The following TCP10L variants were observed in gnomAD, a reference collection of about 807,000 sequenced individuals.
TCP10L encodes the protein T-complex protein 10A homolog 1.
TCP10L carries 11 observed loss-of-function variants against 19.2 expected under a neutral mutation model. That is an observed-to-expected ratio of 0.57 (90% CI 0.36 to 0.95). The LOEUF is 0.95. Among genes scored for constraint, TCP10L ranks in the 40% least tolerant of loss-of-function variants. TCP10L has a pLI of 0.01. For synonymous variants in TCP10L, 96 were observed against 97.2 expected (o/e 0.99, Z 0.07); for missense variants, 247 against 263.9 (o/e 0.94, Z 0.44).
At chr21:32,577,200 T>C (rs1402186627) in intron 4 of TCP10L, among the ~76,000 whole-genome samples, 1 of 152,220 alleles carries the variant, frequency 6.6e-6, no homozygotes, top group Admixed American at 6.5e-5. Context: ...ATAAAAATAA[T>C]TTTCTACATT....
At position 32,578,461 on chromosome 21, in the gene TCP10L, T is replaced by C. The variant is rs2146524639; in HGVS notation, c.498+233A>G. On this transcript the variant is annotated intron_variant, in intron 4 of 4. Transcript: ENST00000300258. This position sits in a 1 kb window ranked among gnomAD's most constrained non-coding sequence, Gnocchi z 4.2. ...AGCCAGACGCTTGCTGCTGTGAGTG[T>C]ACTCAGAGGGAAGCAGCCGGGAGGA... 6.6e-6 allele frequency among the ~76,000 whole-genome samples: 1 copy of C among 152,260 alleles called. No individual in the cohort carries two copies. The highest frequency in any genetic ancestry group is 1.9e-4 in the East Asian group (1 of 5,176).
Position 32,574,670 on chromosome 21 carries a change from C to G in TCP10L, c.*2104G>C, listed in dbSNP as rs557941915. On this transcript the variant is annotated 3_prime_UTR_variant, in exon 5 of 5. Coordinates refer to ENST00000300258, the MANE Select transcript of TCP10L (RefSeq NM_144659.7). Reference sequence around the variant, plus strand: ...TTCAGAACTCTCTAAGACTGAGGAGCTTCCGTCTAAAAAGCAAATAAGTTA... The same window carrying G: ...TTCAGAACTCTCTAAGACTGAGGAGGTTCCGTCTAAAAAGCAAATAAGTTA... 2 of 181,368 alleles carry G rather than the reference C, an allele frequency of 1.1e-5. No homozygotes were observed. The highest frequency in any genetic ancestry group is 4.7e-5 in the African/African-American group (2 of 42,434). The allele number at this position is 181,368 out of a possible 1,614,324, so 11.2% of individuals were successfully genotyped here. A position where few individuals can be genotyped will look rare whatever the true frequency, so the allele number is the denominator to read the frequency against.
rs2038505927 is a variant in TCP10L at position 32,582,400 on chromosome 21, T to A, written c.160A>T (p.Ile54Phe). 5 of 1,612,784 alleles carry A rather than the reference T, an allele frequency of 3.1e-6. No homozygotes were observed. The highest frequency in any genetic ancestry group is 1.3e-5 in the African/African-American group (1 of 74,774). Residue 54 changes from isoleucine (I) to phenylalanine (F), a missense_variant, in exon 3 of 5, where the codon ATC becomes TTC. Ile to Phe is a conservative substitution (Grantham distance 21). Transcript: ENST00000300258. The surrounding 1 kb of genome is among the most constrained non-coding windows in gnomAD (Gnocchi z 4.2). Reference protein sequence around the residue: ...TGEMPPLQQQIIRLHQELGRQ... With the variant: ...TGEMPPLQQQFIRLHQELGRQ... ...CCAAGCTCTTGGTGGAGTCTGATGA[T>A]CTGCTGCTGTAATGGCTGTTATTGG...
At position 32,584,358 on chromosome 21, in the gene TCP10L, C is replaced by G. The variant is rs559021692; in HGVS notation, c.-1-53G>C. On this transcript the variant is annotated intron_variant, in intron 1 of 4. Transcript: ENST00000300258. Reference sequence around the variant, plus strand: ...ACACTTGAATGCAGCCCTCCTACCCCGTCAGTGTGGGCTGAAGGCCCCAGC... The same window carrying G: ...ACACTTGAATGCAGCCCTCCTACCCGGTCAGTGTGGGCTGAAGGCCCCAGC... 1.9e-6 allele frequency: 3 copies of G among 1,574,308 alleles called. No individual in the cohort carries two copies. The South Asian group carries it at 3.5e-5, about 18-fold the overall frequency.
intron 1 of TCP10L, among the ~76,000 whole-genome samples, chr21:32,584,689 C>T (rs1373527227): frequency 1.3e-5 from 2 of 151,748 alleles, no homozygotes; most frequent in East Asian, 3.9e-4. Context: ...GATGTGAGCA[C>T]GATGGTCTTG....
chr21:32,581,467 T>C (rs887454051), intron 3 of TCP10L, among the ~76,000 whole-genome samples: 3 of 152,130 alleles, frequency 2.0e-5, no homozygotes, highest in African/African-American at 7.2e-5. Flanking sequence ...ACAAGCTGCC[T>C]ACGGAGGGGT....
In TCP10L at chr21:32,582,141, T is replaced by A. The variant is rs1298139939; in HGVS notation, c.360+59A>T. On this transcript the variant is annotated intron_variant, in intron 3 of 4. Coordinates refer to ENST00000300258, the MANE Select transcript of TCP10L (RefSeq NM_144659.7). The surrounding 1 kb of genome is among the most constrained non-coding windows in gnomAD (Gnocchi z 4.2). ...TTCAGCAATAAAGCCCACATCTTTA[T>A]GGGGACGCTATTTTTACATAACGCA... 6.3e-7 allele frequency: 1 copy of A among 1,582,258 alleles called. No homozygotes were observed. The highest frequency in any genetic ancestry group is 8.6e-7 in the Non-Finnish European group (1 of 1,158,276).
At chr21:32,585,360 A>AC (rs563107016) in intron 1 of TCP10L, 61 bp downstream of exon 1, 10 of 222,226 alleles carry the variant, frequency 4.5e-5, no homozygotes, top group South Asian at 3.9e-4. Context: ...CAAACTCATG[A>AC]CCCCCTCAGT....
At position 32,575,092 on chromosome 21, in the gene TCP10L, GCT is replaced by G. The variant is rs2038416186; in HGVS notation, c.*1680_*1681del. On this transcript the variant is annotated 3_prime_UTR_variant, in exon 5 of 5. Coordinates refer to ENST00000300258, the MANE Select transcript of TCP10L (RefSeq NM_144659.7). ...TCCAGGAGAGCCAGGAGTCAGGGGA[GCT>G]TCCCCAGGATGGCGTCACTGTCAGC... The G allele has an allele frequency of 6.6e-6, 1 of 152,294 alleles. No homozygotes were observed. The highest frequency in any genetic ancestry group is 6.5e-5 in the Admixed American group (1 of 15,276). The allele number at this position is 152,294 out of a possible 1,614,324, so 9.4% of individuals were successfully genotyped here.
Position 32,585,141 on chromosome 21 carries a change from C to A in TCP10L, c.-2+280G>T, listed in dbSNP as rs764485082. ...GAAGGAACAGTTTAACCACAGTGAT[C>A]GGAGAAATGCTATTTAAAAGAGAGT... is the stretch of plus-strand genomic sequence containing the variant. On this transcript the variant is annotated intron_variant, in intron 1 of 4. Transcript: ENST00000300258. 2.0e-5 allele frequency among the ~76,000 whole-genome samples: 3 copies of A among 152,134 alleles called. No individual in the cohort carries two copies. In the South Asian group the frequency reaches 6.2e-4, roughly 31 times the overall value.
Position 32,582,145 on chromosome 21 carries a change from G to A in TCP10L, c.360+55C>T. ...GCAATAAAGCCCACATCTTTATGGG[G>A]ACGCTATTTTTACATAACGCAAACG... On this transcript the variant is annotated intron_variant, in intron 3 of 4. Transcript: ENST00000300258. This position sits in a 1 kb window ranked among gnomAD's most constrained non-coding sequence, Gnocchi z 4.2. 5.0e-6 allele frequency: 8 copies of A among 1,585,548 alleles called. No individual in the cohort carries two copies. The highest frequency in any genetic ancestry group is 6.9e-6 in the Non-Finnish European group (8 of 1,160,094).
At chr21:32,579,605 G>T (rs555955908) in intron 3 of TCP10L, among the ~76,000 whole-genome samples, 163 of 152,246 alleles carry the variant, frequency 1.1e-3, no homozygotes, top group Admixed American at 3.1e-3. Context: ...TAGCCCCACG[G>T]TGACCAGTGC....
Position 32,582,560 on chromosome 21 carries a change from C to G in TCP10L, c.145-145G>C. On this transcript the variant is annotated intron_variant, in intron 2 of 4. Coordinates refer to ENST00000300258, the MANE Select transcript of TCP10L (RefSeq NM_144659.7). The surrounding 1 kb of genome is among the most constrained non-coding windows in gnomAD (Gnocchi z 4.2). The stretch of plus-strand genomic sequence containing the variant: ...CCCGATGAGATAAACAGGACTACCA[C>G]AGCCTTTTTCTTTCTTCTTTCTTTC... 1.5e-6 allele frequency: 1 copy of G among 676,508 alleles called. No individual in the cohort carries two copies. Among genetic ancestry groups the G allele is most frequent in the Non-Finnish European group, 2.5e-6 (1 of 406,572 alleles). 41.9% of individuals were successfully genotyped at this position (676,508 alleles called of 1,614,324 possible).
rs1002483732 is a variant in TCP10L at position 32,576,090 on chromosome 21, A to T, written c.*684T>A. 3.4e-6 allele frequency: 2 copies of T among 581,266 alleles called. No individual in the cohort carries two copies. Among genetic ancestry groups the T allele is most frequent in the African/African-American group, 3.8e-5 (2 of 52,870 alleles). The allele number at this position is 581,266 out of a possible 1,614,324, so 36.0% of individuals were successfully genotyped here. On this transcript the variant is annotated 3_prime_UTR_variant, in exon 5 of 5. Coordinates refer to ENST00000300258, the MANE Select transcript of TCP10L (RefSeq NM_144659.7). ...GGGAATCAGACAAAAAGTGGCCACA[A>T]ATTAGGCAGCTCCAGGAAGGACATG...
At chr21:32,580,857 C>A (rs2038486216) in intron 3 of TCP10L, among the ~76,000 whole-genome samples, 1 of 152,102 alleles carries the variant, frequency 6.6e-6, no homozygotes, top group Non-Finnish European at 1.5e-5. Flanking sequence ...TGGGAGGCAC[C>A]CACTACTTCA....
At chr21:32,576,980 G>A (rs2038443212) in intron 4 of TCP10L, 57 bp from the exon 5 acceptor site, 3 of 1,535,232 alleles carry the variant, frequency 2.0e-6, no homozygotes, top group Non-Finnish European at 8.9e-7. Flanking sequence ...ATTTTTAAAT[G>A]TTAAGCAACA....
At position 32,576,653 on chromosome 21, in the gene TCP10L, G is replaced by T; in HGVS notation, c.*121C>A. On this transcript the variant is annotated 3_prime_UTR_variant, in exon 5 of 5. Coordinates refer to ENST00000300258, the MANE Select transcript of TCP10L (RefSeq NM_144659.7). ...ACATAATTAGTTTAATAAATTACTA[G>T]GTCTATTTTGAATAACAAATTGAGT... 9.8e-7 allele frequency: 1 copy of T among 1,019,902 alleles called. No homozygotes were observed. Among genetic ancestry groups the T allele is most frequent in the Non-Finnish European group, 1.4e-6 (1 of 691,200 alleles). The allele number at this position is 1,019,902 out of a possible 1,614,324, so 63.2% of individuals were successfully genotyped here.
At chr21:32,577,116 G>A (rs1473789291) in intron 4 of TCP10L, among the ~76,000 whole-genome samples, 193 bp from the exon 5 acceptor site, 1 of 152,180 alleles carries the variant, frequency 6.6e-6, no homozygotes, top group Non-Finnish European at 1.5e-5. Flanking sequence ...TGAAATTTGG[G>A]ATTCCAATAC....
intron 3 of TCP10L, among the ~76,000 whole-genome samples, chr21:32,579,082 A>G (rs369880907): frequency 8.5e-5 from 13 of 152,206 alleles, no homozygotes; most frequent in South Asian, 8.3e-4. Context: ...AAATGATCAC[A>G]GGATCCCAAA....
Sources: gnomAD v4.1 joint callset for allele counts (sites outside exome capture counted in the v4.1 genomes callset) on GRCh38, gnomAD v4.1.1 for gene constraint, Gnocchi (gnomAD v3.1) non-coding constraint, MANE v1.5 for transcripts, NCBI Gene and HGNC (gene_info 2026-07-23, HGNC 2026-07-21) for gene names.